RASAL2: variants seen among roughly 807,000 people sequenced by gnomAD.
The protein encoded by RASAL2 is RAS protein activator like 2, also known as ras GTPase-activating protein nGAP.
A neutral mutation model predicts 128.9 loss-of-function variants in RASAL2; 58 were observed. That is an observed-to-expected ratio of 0.45 (90% confidence interval 0.36 to 0.56). RASAL2 has a LOEUF of 0.56. Ranked by LOEUF, RASAL2 falls within the 20% of genes least tolerant of loss-of-function variation. The probability of loss-of-function intolerance (pLI) is 0.00; values close to 1 mark genes in which losing one functional copy is unlikely to be tolerated. For synonymous variants in RASAL2, 561 were observed against 580.8 expected, an observed-to-expected ratio of 0.97 and a Z score of 0.49; for missense variants, 1,360 against 1,601.6, an observed-to-expected ratio of 0.85 and a Z score of 2.57.
At chr1:178,402,525 G>A (rs1018494658) in intron 4 of RASAL2, among the ~76,000 whole-genome samples, 3 of 152,190 alleles carry the variant, frequency 2.0e-5, no homozygotes, top group African/African-American at 4.8e-5. Flanking sequence ...TTAGGAAATA[G>A]CCTCTAGAAG....
intron 3 of RASAL2, among the ~76,000 whole-genome samples, chr1:178,325,290 G>A (rs192737136): frequency 2.2e-4 from 34 of 152,262 alleles, no homozygotes; most frequent in Admixed American, 2.0e-3. Flanking sequence ...AAGTAAAAGC[G>A]AGTGAATTAG....
chr1:178,107,850 T>C (rs1031505420), intron 1 of RASAL2, among the ~76,000 whole-genome samples: 3 of 152,234 alleles, frequency 2.0e-5, no homozygotes, highest in Non-Finnish European at 4.4e-5. Flanking sequence ...TTTTTATCCA[T>C]TCATTTGTTG....
In RASAL2 at chr1:178,478,071, G is replaced by C. The variant is rs1648799530; in HGVS notation, c.*4832G>C. 6.6e-6 allele frequency: 1 copy of C among 152,096 alleles called. No homozygotes were observed. Among genetic ancestry groups the C allele is most frequent in the Non-Finnish European group, 1.5e-5 (1 of 68,016 alleles). 9.4% of individuals were successfully genotyped at this position (152,096 alleles called of 1,614,324 possible). ...GAAAGGAAAGTGGTAGTCTTTGCCT[G>C]CATTTCAGCATGCATTTTCCTTTCC... On this transcript the variant is annotated 3_prime_UTR_variant, in exon 18 of 18. Transcript: ENST00000367649.
chr1:178,279,205 A>G (rs1571766936), intron 1 of RASAL2, among the ~76,000 whole-genome samples: 3 of 152,280 alleles, frequency 2.0e-5, no homozygotes, highest in East Asian at 3.9e-4. Flanking sequence ...TTCCTGTTAT[A>G]TATTATAGTT....
At chr1:178,277,078 G>C (rs1666551283) in intron 1 of RASAL2, among the ~76,000 whole-genome samples, 2 of 147,886 alleles carry the variant, frequency 1.4e-5, no homozygotes, top group African/African-American at 5.1e-5. Flanking sequence ...AACCTGCGAG[G>C]CAGAGCTTGC....
intron 5 of RASAL2, among the ~76,000 whole-genome samples, chr1:178,426,195 G>A (rs1469088965): frequency 6.6e-6 from 1 of 152,130 alleles, no homozygotes; most frequent in Middle Eastern, 3.2e-3. Flanking sequence ...AAACTTGTAT[G>A]TGAATGTTCA....
intron 3 of RASAL2, among the ~76,000 whole-genome samples, chr1:178,353,519 C>G (rs892676850): frequency 1.3e-5 from 2 of 152,192 alleles, no homozygotes; most frequent in Non-Finnish European, 1.5e-5. Context: ...TGGTCACAAC[C>G]ATTTAACCAG....
intron 1 of RASAL2, among the ~76,000 whole-genome samples, chr1:178,136,756 C>CAAAAAAAAAAAAAAAAAAAAAAAAA (rs397982072): frequency 2.1e-5 from 1 of 47,200 alleles, no homozygotes; most frequent in African/African-American, 1.0e-4. Flanking sequence ...GACTCTGTCT[C>CAAAAAAAAAAAAAAAAAAAAAAAAA]AAAAAAAAAA....
intron 5 of RASAL2, among the ~76,000 whole-genome samples, chr1:178,430,119 C>T (rs75709672): frequency 3.9e-5 from 6 of 152,086 alleles, no homozygotes; most frequent in African/African-American, 1.4e-4. Context: ...TATTGAGGAA[C>T]TCAATACACA....
chr1:178,335,208 G>A (rs1017513012), intron 3 of RASAL2, among the ~76,000 whole-genome samples: 4 of 151,068 alleles, frequency 2.6e-5, no homozygotes, highest in African/African-American at 7.3e-5. Flanking sequence ...AAATAATCAG[G>A]ACCATAATTT....
At chr1:178,301,099 C>A (rs571013736) in intron 3 of RASAL2, among the ~76,000 whole-genome samples, 2 of 152,238 alleles carry the variant, frequency 1.3e-5, no homozygotes, top group South Asian at 4.1e-4. Flanking sequence ...AATTTGAATC[C>A]TTTTGGGCAG....
At chr1:178,265,260 G>T (rs1264171470) in intron 1 of RASAL2, among the ~76,000 whole-genome samples, 3 of 151,868 alleles carry the variant, frequency 2.0e-5, no homozygotes, top group Admixed American at 6.6e-5. Context: ...GTTGTTTTTG[G>T]TTTTTTGGTT....
At chr1:178,448,147 T>C (rs1354241740) in intron 9 of RASAL2, among the ~76,000 whole-genome samples, 1 of 151,874 alleles carries the variant, frequency 6.6e-6, no homozygotes, top group African/African-American at 2.4e-5. Flanking sequence ...GGGTTTATGG[T>C]ATAGAATGAA....
intron 1 of RASAL2, among the ~76,000 whole-genome samples, chr1:178,132,451 C>G (rs1418473549): frequency 6.6e-6 from 1 of 152,082 alleles, no homozygotes; most frequent in Non-Finnish European, 1.5e-5. Context: ...GCTTGAAGAT[C>G]ATATAAGCAA....
In RASAL2 at chr1:178,457,669, T is replaced by A; in HGVS notation, c.2391-14T>A. On this transcript the variant is annotated splice_polypyrimidine_tract_variant and intron_variant, in intron 13 of 17. Transcript: ENST00000367649. ...TGTCTCAAGAGAAATTAAGTGTCCT[T>A]TCCTTTTCCACAGTGATTTGCATAA... 6.2e-7 allele frequency: 1 copy of A among 1,606,332 alleles called. No homozygotes were observed. Among genetic ancestry groups the A allele is most frequent in the South Asian group, 1.1e-5 (1 of 89,978 alleles).
intron 1 of RASAL2, among the ~76,000 whole-genome samples, chr1:178,110,491 T>C (rs1045902744): frequency 6.8e-6 from 1 of 146,742 alleles, no homozygotes; most frequent in African/African-American, 2.5e-5. Flanking sequence ...TTATACAGTG[T>C]ATATATAGTA....
intron 7 of RASAL2, among the ~76,000 whole-genome samples, chr1:178,441,967 A>G (rs1676685420): frequency 6.6e-6 from 1 of 152,098 alleles, no homozygotes; most frequent in African/African-American, 2.4e-5. Context: ...GGGAGCAGGC[A>G]CATCACATGG....
chr1:178,220,918 G>A (rs1663592185), intron 1 of RASAL2, among the ~76,000 whole-genome samples: 1 of 152,206 alleles, frequency 6.6e-6, no homozygotes. Context: ...TAAGCTTTCA[G>A]CTCATTTGGG....
At chr1:178,405,128 C>G (rs745525603) in intron 4 of RASAL2, among the ~76,000 whole-genome samples, 4 of 152,156 alleles carry the variant, frequency 2.6e-5, no homozygotes, top group African/African-American at 4.8e-5. Flanking sequence ...ACTGGTACAA[C>G]CCTTCTACAG....
Sources: allele counts gnomAD v4.1 joint callset (sites outside exome capture counted in the v4.1 genomes callset), GRCh38; gene constraint gnomAD v4.1.1; transcripts MANE v1.5; gene names NCBI Gene and HGNC (gene_info 2026-07-23, HGNC 2026-07-21).